Variants in BRD4 observed in about 807,000 individuals in gnomAD.
The protein encoded by BRD4 is bromodomain-containing protein 4.
A neutral mutation model predicts 142.1 loss-of-function variants in BRD4; 16 were observed. That is an observed-to-expected ratio of 0.11 (90% confidence interval 0.08 to 0.17). The LOEUF (loss-of-function observed/expected upper bound fraction) is 0.17. Among genes scored for constraint, BRD4 ranks in the 10% least tolerant of loss-of-function variants. The pLI, the probability that BRD4 is intolerant of heterozygous loss-of-function variation, is 1.00. For synonymous variants in BRD4, 833 were observed against 707.5 expected (o/e 1.18, Z -2.82); for missense variants, 1,424 against 1,810.9 (o/e 0.79, Z 3.88).
chr19:15,317,781 A>G (rs1198408523), intron 1 of BRD4, among the ~76,000 whole-genome samples: 1 of 152,238 alleles, frequency 6.6e-6, no homozygotes, highest in Non-Finnish European at 1.5e-5. Context: ...ACGCAACTCA[A>G]AAGGGCCCAA....
chr19:15,320,922 G>C (rs1349223255), intron 1 of BRD4, among the ~76,000 whole-genome samples: 1 of 152,164 alleles, frequency 6.6e-6, no homozygotes, highest in Non-Finnish European at 1.5e-5. Context: ...CAAGTTCGGG[G>C]GTACATTTTA....
At chr19:15,256,308 C>T (rs2047408192) in intron 8 of BRD4, 45 bp from the exon 9 acceptor site, 1 of 1,585,950 alleles carries the variant, frequency 6.3e-7, no homozygotes, top group Non-Finnish European at 8.5e-7. Flanking sequence ...CTGAAACCAC[C>T]TTCCTGTCAC....
Position 15,236,442 on chromosome 19 carries a change from A to G in BRD4, c.*1935T>C, listed in dbSNP as rs900031395. ...TCTGGTTAACCCTGAGCTTAAATGAAAGGAGGAGTTAGGTTGAGGCAGGCA... is the reference window on the plus strand; with the variant it reads ...TCTGGTTAACCCTGAGCTTAAATGAGAGGAGGAGTTAGGTTGAGGCAGGCA... On this transcript the variant is annotated 3_prime_UTR_variant, in exon 20 of 20. Transcript: ENST00000679869. The G allele has an allele frequency of 2.0e-5, 3 of 148,832 alleles. No individual in the cohort carries two copies. Among genetic ancestry groups the G allele is most frequent in the Admixed American group, 1.3e-4 (2 of 14,948 alleles). 9.2% of individuals were successfully genotyped at this position (148,832 alleles called of 1,614,324 possible).
At chr19:15,286,173 C>T (rs1033522455) in intron 1 of BRD4, among the ~76,000 whole-genome samples, 1 of 152,180 alleles carries the variant, frequency 6.6e-6, no homozygotes, top group African/African-American at 2.4e-5. Context: ...AAGGTCTTTC[C>T]TCAGGTATCC....
chr19:15,303,008 A>C (rs866471127), intron 1 of BRD4, among the ~76,000 whole-genome samples: 3 of 105,614 alleles, frequency 2.8e-5, no homozygotes, highest in South Asian at 2.7e-4. Flanking sequence ...ACTCCGTCGC[A>C]AAAAAAAAAA....
intron 1 of BRD4, among the ~76,000 whole-genome samples, chr19:15,289,678 A>G (rs1204350642): frequency 7.0e-6 from 1 of 143,464 alleles, no homozygotes; most frequent in Non-Finnish European, 1.5e-5. Flanking sequence ...AAAAAAAAAG[A>G]AAAAAAAAAG....
At chr19:15,288,126 C>T (rs760063051) in intron 1 of BRD4, among the ~76,000 whole-genome samples, 1 of 152,152 alleles carries the variant, frequency 6.6e-6, no homozygotes, top group Non-Finnish European at 1.5e-5. Context: ...TCTATCCATC[C>T]ATCAATGGAC....
chr19:15,279,920 TAGAA>T (rs1568396004), intron 1 of BRD4, among the ~76,000 whole-genome samples: 1 of 152,130 alleles, frequency 6.6e-6, no homozygotes, highest in Non-Finnish European at 1.5e-5. Context: ...AGCACACAGG[TAGAA>T]AGACGCCAGG....
intron 1 of BRD4, among the ~76,000 whole-genome samples, chr19:15,274,961 T>G (rs2047630168): frequency 6.6e-6 from 1 of 151,712 alleles, no homozygotes. Context: ...CAGGGTCAAG[T>G]GATTCTCCCA....
rs1007947523 is a variant in BRD4, at chr19:15,238,048, G to C, written c.*329C>G. On this transcript the variant is annotated 3_prime_UTR_variant, in exon 20 of 20. Transcript: ENST00000679869. This position sits in a 1 kb window ranked among gnomAD's most constrained non-coding sequence, Gnocchi z 7.2. ...GCAGCAACGATGTCCTGTGTATACT[G>C]TGTAGACATTTGGCGGAGAGAAGGG... is the stretch of plus-strand genomic sequence containing the variant. The C allele has an allele frequency of 7.4e-6, 3 of 407,534 alleles. No individual in the cohort carries two copies. Among genetic ancestry groups the C allele is most frequent in the Middle Eastern group, 6.9e-4 (1 of 1,456 alleles). 25.2% of individuals were successfully genotyped at this position (407,534 alleles called of 1,614,324 possible). A position where few individuals can be genotyped will look rare whatever the true frequency, so the allele number is the denominator to read the frequency against.
intron 1 of BRD4, among the ~76,000 whole-genome samples, chr19:15,273,645 TGCCCACCCATGGATG>T (rs1174741766): frequency 1.3e-5 from 2 of 152,204 alleles, no homozygotes; most frequent in African/African-American, 2.4e-5. Flanking sequence ...AGGCTGGGTC[TGCCCACCCATGGATG>T]GCCCACCCAG....
chr19:15,295,484 G>A (rs1013819657), intron 1 of BRD4, among the ~76,000 whole-genome samples: 3 of 152,148 alleles, frequency 2.0e-5, no homozygotes, highest in Non-Finnish European at 2.9e-5. Flanking sequence ...CTGTTGCTGT[G>A]GCCAGAATTT....
chr19:15,277,153 T>A (rs2047656181), intron 1 of BRD4, among the ~76,000 whole-genome samples: 1 of 152,212 alleles, frequency 6.6e-6, no homozygotes, highest in Non-Finnish European at 1.5e-5. Flanking sequence ...TTCACCACGT[T>A]AAGAGTTAGC....
At chr19:15,280,849 C>A (rs1030316004) in intron 1 of BRD4, among the ~76,000 whole-genome samples, 2 of 152,184 alleles carry the variant, frequency 1.3e-5, no homozygotes, top group Admixed American at 6.5e-5. Context: ...GGATGAGGGA[C>A]CCTGACTGGT....
At chr19:15,296,419 G>A (rs2145678463) in intron 1 of BRD4, among the ~76,000 whole-genome samples, 1 of 152,248 alleles carries the variant, frequency 6.6e-6, no homozygotes, top group Middle Eastern at 3.4e-3. Context: ...TCTTCCAAGT[G>A]CATATTGGCA....
intron 11 of BRD4, among the ~76,000 whole-genome samples, chr19:15,245,313 C>T (rs1022899644): frequency 7.2e-5 from 11 of 151,966 alleles, no homozygotes; most frequent in African/African-American, 2.4e-4. Context: ...CAGAGAGGCT[C>T]AGCTGGGGCT....
rs2047605745 is a variant in BRD4 at position 15,272,987 on chromosome 19, G to T, written c.113C>A (p.Ala38Asp). ...TTQAQAQPQP[A>D]NAASTNPPPP... ...CGGGGGGTTGGTGCTGGCTGCGTTG[G>T]CTGGCTGGGGTTGGGCCTGGGCCTG... is the stretch of plus-strand genomic sequence containing the variant. Residue 38 changes from alanine to aspartate, a missense_variant, in exon 2 of 20, where the codon GCC (alanine) becomes GAC (aspartate). Coordinates refer to ENST00000679869, the MANE Select transcript of BRD4 (RefSeq NM_001379291.1). 3 of 1,614,188 alleles carry T rather than the reference G, an allele frequency of 1.9e-6. No individual in the cohort carries two copies. Among genetic ancestry groups the T allele is most frequent in the Admixed American group, 1.7e-5 (1 of 60,014 alleles).
intron 1 of BRD4, among the ~76,000 whole-genome samples, chr19:15,330,994 G>A (rs1262918847): frequency 6.6e-6 from 1 of 152,084 alleles, no homozygotes; most frequent in African/African-American, 2.4e-5. Flanking sequence ...TGGAACCACG[G>A]ACTGGTAGAG....
chr19:15,302,276 C>A (rs1304180853), intron 1 of BRD4, among the ~76,000 whole-genome samples: 1 of 152,178 alleles, frequency 6.6e-6, no homozygotes, highest in African/African-American at 2.4e-5. Context: ...CCCCCCAGGA[C>A]TGGGAGATGC....
Sources: allele counts gnomAD v4.1 joint callset (sites outside exome capture counted in the v4.1 genomes callset), GRCh38; gene constraint gnomAD v4.1.1; non-coding constraint Gnocchi (gnomAD v3.1); transcripts MANE v1.5; gene names NCBI Gene and HGNC (gene_info 2026-07-23, HGNC 2026-07-21).